Variants in SNCG observed in about 807,000 individuals in gnomAD.
SNCG encodes the protein synuclein gamma, also known as gamma-synuclein.
In SNCG, 13 loss-of-function variants were observed where a neutral mutation model predicts 16.0. The observed-to-expected ratio is 0.81, with a 90% CI of 0.53 to 1.29. SNCG has a LOEUF of 1.29. SNCG is among the 50% of genes most tolerant of loss of function. The pLI is 0.00. For synonymous variants in SNCG, 66 were observed against 66.3 expected (o/e 1.00, Z 0.02); for missense variants, 154 against 168.5 (o/e 0.91, Z 0.48).
At chr10:86,958,518 G>A (rs1190692364), upstream of SNCG, 20 of 203,088 alleles carry the variant, frequency 9.8e-5, no homozygotes, top group Non-Finnish European at 1.4e-4. Context: ...CTCCCTCCCC[G>A]CCCCCACTGC....
intron 3 of SNCG, among the ~76,000 whole-genome samples, chr10:86,961,761 G>C (rs2133697498): frequency 6.6e-6 from 1 of 152,292 alleles, no homozygotes; most frequent in Admixed American, 6.5e-5. Context: ...CCCTGCCCCT[G>C]GATAGCCTGG....
upstream of SNCG, among the ~76,000 whole-genome samples, chr10:86,957,002 C>A (rs1386037604): frequency 6.6e-6 from 1 of 152,224 alleles, no homozygotes; most frequent in Non-Finnish European, 1.5e-5. Flanking sequence ...CTCAGGGCAG[C>A]CTTGCTGGGT....
At position 86,963,043 on chromosome 10, in the gene SNCG, C is replaced by T; in HGVS notation, c.*58C>T. The T allele has an allele frequency of 1.3e-6, 2 of 1,539,160 alleles. No homozygotes were observed. The highest frequency in any genetic ancestry group is 2.0e-5 in the Admixed American group (1 of 51,076). On this transcript the variant is annotated 3_prime_UTR_variant, in exon 5 of 5. Coordinates refer to ENST00000372017, the MANE Select transcript of SNCG (RefSeq NM_003087.3). ...GCGCTCCTCTGCCTTGGACACCATC[C>T]CCTCCTAGCACAAGGAGTGCCCGCC...
upstream of SNCG, chr10:86,958,515 C>T (rs1844275426): frequency 8.0e-7 from 1 of 1,247,862 alleles, no homozygotes; most frequent in Non-Finnish European, 1.0e-6. Context: ...TCCCTCCCTC[C>T]CCGCCCCCAC....
intron 4 of SNCG, 143 bp from the exon 5 acceptor site, chr10:86,962,822 C>A (rs1267854566): frequency 1.0e-5 from 12 of 1,164,640 alleles, no homozygotes; most frequent in Non-Finnish European, 2.5e-6. Context: ...GTGTACAGGG[C>A]TAACCCTGAA....
upstream of SNCG, chr10:86,958,595 C>T (rs534041905): frequency 2.8e-5 from 40 of 1,435,406 alleles, no homozygotes; most frequent in African/African-American, 2.9e-4. Flanking sequence ...TAGGAGGCAT[C>T]GGGGACAGCC....
chr10:86,956,033 C>T (rs11591493), upstream of SNCG, among the ~76,000 whole-genome samples: 37,738 of 152,056 alleles, frequency 0.25, 5,148 homozygotes, highest in South Asian at 0.33. Context: ...CCACCGGGTC[C>T]TCTCATCCTC....
chr10:86,959,601 G>C lies in SNCG; in HGVS notation c.122-32G>C, dbSNP rs1271040294. On this transcript the variant is annotated intron_variant, in intron 1 of 4. Transcript: ENST00000372017. This position sits in a 1 kb window ranked among gnomAD's most constrained non-coding sequence, Gnocchi z 4.3. The stretch of plus-strand genomic sequence containing the variant: ...TGACCGCCCCCAACACCTCGAGGGA[G>C]GTCTGGGCTGACAGCTCCATTTCCT... 1 of 1,611,396 alleles carries C rather than the reference G, an allele frequency of 6.2e-7. No individual in the cohort carries two copies. The highest frequency in any genetic ancestry group is 1.3e-5 in the African/African-American group (1 of 74,832).
chr10:86,955,985 G>T (rs560310217), upstream of SNCG, among the ~76,000 whole-genome samples: 29 of 152,134 alleles, frequency 1.9e-4, no homozygotes, highest in Non-Finnish European at 4.1e-4. Context: ...AACCAAGGGG[G>T]TGGGGAGGAA....
upstream of SNCG, chr10:86,958,522 C>G: frequency 7.7e-7 from 1 of 1,300,034 alleles, no homozygotes; most frequent in Non-Finnish European, 9.9e-7. Flanking sequence ...CTCCCCGCCC[C>G]CACTGCACGC....
chr10:86,958,299 C>G, upstream of SNCG: 4 of 984,464 alleles, frequency 4.1e-6, no homozygotes, highest in Non-Finnish European at 4.8e-6. Context: ...CACAGCACCC[C>G]TGGGGCCAAG....
upstream of SNCG, chr10:86,957,472 C>T: frequency 6.2e-7 from 1 of 1,613,450 alleles, no homozygotes; most frequent in Non-Finnish European, 8.5e-7. Flanking sequence ...GTACTGGAAG[C>T]CTGGGCCCAT....
Position 86,959,787 on chromosome 10 carries a change from A to G in SNCG, c.163+113A>G. On this transcript the variant is annotated intron_variant, in intron 2 of 4. Transcript: ENST00000372017. The surrounding 1 kb of genome is among the most constrained non-coding windows in gnomAD (Gnocchi z 4.3). ...TGCCTTACCCCCAACTGGGGTCCCA[A>G]GCCCTACAGACCCCTGCAGACCATG... 1 of 1,270,224 alleles carries G rather than the reference A, an allele frequency of 7.9e-7. No homozygotes were observed. Among genetic ancestry groups the G allele is most frequent in the African/African-American group, 1.5e-5 (1 of 66,794 alleles). 78.7% of individuals were successfully genotyped at this position (1,270,224 alleles called of 1,614,324 possible).
chr10:86,958,279 G>A (rs1844270460), upstream of SNCG: 1 of 980,794 alleles, frequency 1.0e-6, no homozygotes, highest in African/African-American at 1.7e-5. Context: ...CTGTCCAGGT[G>A]CAGCATAGAC....
upstream of SNCG, among the ~76,000 whole-genome samples, chr10:86,956,499 A>G (rs1374598497): frequency 6.6e-6 from 1 of 152,180 alleles, no homozygotes; most frequent in Non-Finnish European, 1.5e-5. Context: ...GTGTGGGGGC[A>G]GGAGGGTGGA....
At chr10:86,957,487 C>A, upstream of SNCG, 2 of 1,613,240 alleles carry the variant, frequency 1.2e-6, no homozygotes, top group Non-Finnish European at 1.7e-6. Flanking sequence ...GCCCATGCCC[C>A]CAGCAGCCCC....
Position 86,959,757 on chromosome 10 carries a change from A to C in SNCG, c.163+83A>C. Reference sequence around the variant, plus strand: ...TCCTAGTGCTGGGGCTCAAACCTAGAGTCCTGCCTTACCCCCAACTGGGGT... The same window carrying C: ...TCCTAGTGCTGGGGCTCAAACCTAGCGTCCTGCCTTACCCCCAACTGGGGT... On this transcript the variant is annotated intron_variant, in intron 2 of 4. Transcript: ENST00000372017. This position sits in a 1 kb window ranked among gnomAD's most constrained non-coding sequence, Gnocchi z 4.3. The C allele has an allele frequency of 7.2e-7, 1 of 1,397,958 alleles. No homozygotes were observed. The highest frequency in any genetic ancestry group is 9.7e-7 in the Non-Finnish European group (1 of 1,026,920). 86.6% of individuals were successfully genotyped at this position (1,397,958 alleles called of 1,614,324 possible). A position where few individuals can be genotyped will look rare whatever the true frequency, so the allele number is the denominator to read the frequency against.
intron 3 of SNCG, among the ~76,000 whole-genome samples, chr10:86,961,682 A>G (rs749680708): frequency 9.2e-5 from 14 of 152,194 alleles, no homozygotes; most frequent in Admixed American, 4.6e-4. Flanking sequence ...AGCAGGGACT[A>G]TCTGACCACT....
upstream of SNCG, chr10:86,958,468 T>C (rs1589310907): frequency 7.2e-7 from 1 of 1,381,690 alleles, no homozygotes; most frequent in East Asian, 2.9e-5. Flanking sequence ...TGCCTTCCTA[T>C]CCTGGAGGAA....
Sources: allele counts gnomAD v4.1 joint callset (sites outside exome capture counted in the v4.1 genomes callset), GRCh38; gene constraint gnomAD v4.1.1; non-coding constraint Gnocchi (gnomAD v3.1); transcripts MANE v1.5; gene names NCBI Gene and HGNC (gene_info 2026-07-23, HGNC 2026-07-21).